The following ANKEF1 variants were observed in gnomAD, a reference collection of about 807,000 sequenced individuals.
ANKEF1 encodes the protein ankyrin repeat and EF-hand domain-containing protein 1.
In ANKEF1, 43 loss-of-function variants were observed where a neutral mutation model predicts 65.1. The observed-to-expected ratio is 0.66, with a 90% CI of 0.52 to 0.85. The LOEUF is 0.85. ANKEF1 is among the 40% of genes least tolerant of loss of function. ANKEF1 has a pLI of 0.00. For synonymous variants in ANKEF1, 316 were observed against 341.5 expected (o/e 0.93, Z 0.82); for missense variants, 934 against 952.9 (o/e 0.98, Z 0.26).
rs1985197294 is a variant in ANKEF1, at chr20:10,056,726, T to A, written c.*1066T>A. The stretch of plus-strand genomic sequence containing the variant: ...TCATACACCTAAATACTTCAGTATG[T>A]CTTTCCTAAAATAAAAGGCATCCAT... On this transcript the variant is annotated 3_prime_UTR_variant, in exon 11 of 11. Transcript: ENST00000378392. 1 of 152,132 alleles carries A rather than the reference T, an allele frequency of 6.6e-6. No individual in the cohort carries two copies. The highest frequency in any genetic ancestry group is 2.4e-5 in the African/African-American group (1 of 41,432). 9.4% of individuals were successfully genotyped at this position (152,132 alleles called of 1,614,324 possible).
At chr20:10,052,570 T>G (rs964005827) in intron 8 of ANKEF1, among the ~76,000 whole-genome samples, 1 of 152,226 alleles carries the variant, frequency 6.6e-6, no homozygotes, top group African/African-American at 2.4e-5. Context: ...TTCCTTTGAC[T>G]GAGGAGCATC....
chr20:10,051,887 A>G lies in ANKEF1; in HGVS notation c.1868A>G (p.Lys623Arg), dbSNP rs1238382853. 6.2e-7 allele frequency: 1 copy of G among 1,601,854 alleles called. No individual in the cohort carries two copies. Among genetic ancestry groups the G allele is most frequent in the Non-Finnish European group, 8.5e-7 (1 of 1,172,524 alleles). The change falls in exon 8 of 11, where the codon AAA becomes AGA. Residue 623 changes from lysine to arginine, a missense_variant and splice_region_variant. By Grantham distance (26) the Lys-to-Arg change is conservative. Transcript: ENST00000378392. ...IGAKFQLENR[K>R]GHSAMDVAKA... is the part of the protein sequence containing the mutation. The stretch of plus-strand genomic sequence containing the variant: ...GCTAAATTCCAGCTGGAAAATAGAA[A>G]AGGTATGCGTTCATATTATTGATGA...
At chr20:10,035,681 G>A (rs1236405959) in intron 2 of ANKEF1, 39 bp downstream of exon 2, 3 of 152,196 alleles carry the variant, frequency 2.0e-5, no homozygotes, top group Non-Finnish European at 2.9e-5. Flanking sequence ...ACTAGTTTGT[G>A]TAAATAATGA....
At position 10,056,903 on chromosome 20, in the gene ANKEF1, C is replaced by G. The variant is rs1985206810; in HGVS notation, c.*1243C>G. ...CATGTACACAATTCCTTCACCACAA[C>G]ACCTAAGATTAGTATTTGATTGAGT... On this transcript the variant is annotated 3_prime_UTR_variant, in exon 11 of 11. Coordinates refer to ENST00000378392, the MANE Select transcript of ANKEF1 (RefSeq NM_022096.6). 6.6e-6 allele frequency: 1 copy of G among 152,202 alleles called. No homozygotes were observed. The highest frequency in any genetic ancestry group is 1.5e-5 in the Non-Finnish European group (1 of 68,040). 9.4% of individuals were successfully genotyped at this position (152,202 alleles called of 1,614,324 possible).
chr20:10,038,748 CTTATGG>C (rs1403128471), intron 3 of ANKEF1, 101 bp downstream of exon 3: 5 of 930,986 alleles, frequency 5.4e-6, no homozygotes, highest in African/African-American at 1.7e-5. Context: ...AAGTGAATTA[CTTATGG>C]TTTTAAGGGA....
Position 10,051,815 on chromosome 20 carries a change from T to C in ANKEF1, c.1796T>C (p.Ile599Thr). ...AACTCAACTCCTTTAAATAGAGCCA[T>C]TGAAAGCTGCAGACTGGATACAGTA... is the stretch of plus-strand genomic sequence containing the variant. ...INNSTPLNRAIESCRLDTVKY... is the reference protein window; with the variant it reads ...INNSTPLNRATESCRLDTVKY... Residue 599 changes from isoleucine to threonine, a missense_variant, in exon 8 of 11, where the codon ATT becomes ACT. Coordinates refer to ENST00000378392, the MANE Select transcript of ANKEF1 (RefSeq NM_022096.6). The C allele has an allele frequency of 6.2e-7, 1 of 1,613,664 alleles. No homozygotes were observed. The highest frequency in any genetic ancestry group is 8.5e-7 in the Non-Finnish European group (1 of 1,179,820).
chr20:10,054,979 A>G (rs1056872735), intron 10 of ANKEF1, among the ~76,000 whole-genome samples: 11 of 152,172 alleles, frequency 7.2e-5, no homozygotes, highest in Admixed American at 3.3e-4. Context: ...TTTCATATAA[A>G]TCAAGACTGG....
intron 2 of ANKEF1, among the ~76,000 whole-genome samples, chr20:10,036,790 C>T (rs1396743865): frequency 2.0e-5 from 3 of 152,056 alleles, no homozygotes; most frequent in East Asian, 3.9e-4. Context: ...TGCAGTGAGC[C>T]GAGATTGTGC....
intron 2 of ANKEF1, among the ~76,000 whole-genome samples, chr20:10,036,018 C>T (rs1402899998): frequency 6.6e-6 from 1 of 152,172 alleles, no homozygotes; most frequent in African/African-American, 2.4e-5. Context: ...ATATGCTGCT[C>T]AATTTACAAG....
At chr20:10,043,445 T>G (rs1984318215) in intron 4 of ANKEF1, 124 bp downstream of exon 4, 1 of 843,146 alleles carries the variant, frequency 1.2e-6, no homozygotes, top group Non-Finnish European at 1.8e-6. Context: ...TTCAAAATGC[T>G]TGAAGATGGT....
intron 9 of ANKEF1, among the ~76,000 whole-genome samples, chr20:10,054,180 A>G (rs1367739151): frequency 1.3e-5 from 2 of 152,144 alleles, no homozygotes; most frequent in African/African-American, 4.8e-5. Flanking sequence ...TCAGTCAACT[A>G]AAGTTCTTCC....
Position 10,048,841 on chromosome 20 carries a change from G to T in ANKEF1, c.821-549G>T, listed in dbSNP as rs534775022. On this transcript the variant is annotated intron_variant, in intron 6 of 10. Coordinates refer to ENST00000378392, the MANE Select transcript of ANKEF1 (RefSeq NM_022096.6). ...TTACAATTACTTTTTCCTCTGTGAA[G>T]GTTGTTCATATGGCCATACCACAAA... 2.0e-5 allele frequency among the ~76,000 whole-genome samples: 3 copies of T among 152,226 alleles called. No homozygotes were observed. In the South Asian group the frequency reaches 6.2e-4, roughly 32 times the overall value.
At chr20:10,036,828 T>G (rs1337824605) in intron 2 of ANKEF1, among the ~76,000 whole-genome samples, 2 of 151,154 alleles carry the variant, frequency 1.3e-5, no homozygotes, top group African/African-American at 2.4e-5. Flanking sequence ...GGTGACAGAG[T>G]GAGAGTTGGG....
In ANKEF1 at chr20:10,051,741, T is replaced by C; in HGVS notation, c.1722T>C (p.Val574=). The change falls in exon 8 of 11, where the codon GTT becomes GTC. Residue 574 remains valine, a synonymous_variant. Transcript: ENST00000378392. ...GCCATGCAGGCCAACAAGACATTGTTGAGCTTCTTGTTGAATCTGGAGCTT... is the reference window on the plus strand; with the variant it reads ...GCCATGCAGGCCAACAAGACATTGTCGAGCTTCTTGTTGAATCTGGAGCTT... The part of the protein sequence containing the change: ...FACHAGQQDI[V]ELLVESGALI... The C allele has an allele frequency of 6.2e-7, 1 of 1,613,866 alleles. No homozygotes were observed. Among genetic ancestry groups the C allele is most frequent in the African/African-American group, 1.3e-5 (1 of 75,044 alleles).
At chr20:10,041,792 T>G (rs1300537221) in intron 3 of ANKEF1, among the ~76,000 whole-genome samples, 1 of 152,246 alleles carries the variant, frequency 6.6e-6, no homozygotes, top group African/African-American at 2.4e-5. Flanking sequence ...AGTCACATAT[T>G]CTCTATTGAT....
intron 2 of ANKEF1, among the ~76,000 whole-genome samples, chr20:10,037,705 AAC>A (rs144116577): frequency 0.015 from 2,308 of 152,340 alleles, 60 homozygotes; most frequent in African/African-American, 0.053. Context: ...ATCACAATTT[AAC>A]AGGGAGATTG....
At chr20:10,042,382 G>T (rs969273729) in intron 3 of ANKEF1, among the ~76,000 whole-genome samples, 5 of 151,364 alleles carry the variant, frequency 3.3e-5, no homozygotes, top group African/African-American at 1.2e-4. Flanking sequence ...TTCTTTGAAT[G>T]GAGTCCCTTT....
rs1453762849 is a variant in ANKEF1, at chr20:10,049,824, G to A, written c.1255G>A (p.Gly419Arg). 2 of 1,613,988 alleles carry A rather than the reference G, an allele frequency of 1.2e-6. No homozygotes were observed. The highest frequency in any genetic ancestry group is 2.7e-5 in the African/African-American group (2 of 74,904). The part of the protein sequence containing the change: ...GSYGPKKKEK[G>R]MGKKGKKGKF... Reference sequence around the variant, plus strand: ...GTATGGACCTAAGAAAAAGGAAAAAGGGATGGGCAAAAAAGGAAAGAAAGG... The same window carrying A: ...GTATGGACCTAAGAAAAAGGAAAAAAGGATGGGCAAAAAAGGAAAGAAAGG... The change falls in exon 7 of 11, where the codon GGG becomes AGG. Residue 419 changes from glycine to arginine, a missense_variant. Gly to Arg is a moderately radical substitution (Grantham distance 125). Coordinates refer to ENST00000378392, the MANE Select transcript of ANKEF1 (RefSeq NM_022096.6).
rs138080672 is a variant in ANKEF1, at chr20:10,053,223, G to A, written c.1982G>A (p.Gly661Asp). ...PKPAENQKLK[G>D]KTPPILKTEG... is the part of the protein sequence containing the mutation. ...CCAGCAGAAAATCAAAAACTAAAAG[G>A]CAAGACACCTCCTATACTGAAGACT... The change falls in exon 9 of 11, where the codon GGC becomes GAC. Residue 661 changes from glycine (G) to aspartate (D), a missense_variant. Physicochemically the swap from Gly to Asp is moderately conservative, Grantham distance 94 (BLOSUM62 -1). Transcript: ENST00000378392. 149 of 1,613,378 alleles carry A rather than the reference G, an allele frequency of 9.2e-5. No homozygotes were observed. The African/African-American group carries it at 1.7e-3, about 19-fold the overall frequency.
Sources: gnomAD v4.1 joint callset for allele counts (sites outside exome capture counted in the v4.1 genomes callset) on GRCh38, gnomAD v4.1.1 for gene constraint, MANE v1.5 for transcripts, NCBI Gene and HGNC (gene_info 2026-07-23, HGNC 2026-07-21) for gene names.